The following MTCL1 variants were observed in gnomAD, a reference collection of about 807,000 sequenced individuals.
The protein encoded by MTCL1 is microtubule crosslinking factor 1, also known as microtubule cross-linking factor 1.
A neutral mutation model predicts 141.4 loss-of-function variants in MTCL1; 79 were observed. The ratio of observed to expected loss-of-function variants is 0.56; its 90% CI spans 0.47 to 0.67. The LOEUF is 0.67. Among genes scored for constraint, MTCL1 ranks in the 30% least tolerant of loss-of-function variants. The pLI is 0.00. For synonymous variants in MTCL1, 914 were observed against 875.8 expected (o/e 1.04, Z -0.77); for missense variants, 2,177 against 2,113.9 (o/e 1.03, Z -0.59).
exon 6 of MTCL1, chr18:8,784,730 C>T (rs770877376): frequency 1.9e-6 from 3 of 1,614,206 alleles, no homozygotes; most frequent in East Asian, 2.2e-5. Flanking sequence ...TGGGGATGGC[C>T]TATCCCCCTT....
intron 4 of MTCL1, among the ~76,000 whole-genome samples, chr18:8,772,420 CT>C (rs915143798): frequency 2.7e-5 from 4 of 150,722 alleles, no homozygotes; most frequent in Admixed American, 6.6e-5. Flanking sequence ...TTTTCCTGAC[CT>C]TTTTTTTTCC....
chr18:8,751,787 C>T (rs1004193736), intron 4 of MTCL1, among the ~76,000 whole-genome samples: 5 of 152,134 alleles, frequency 3.3e-5, no homozygotes, highest in Admixed American at 1.3e-4. Flanking sequence ...GAAGACTAGA[C>T]GAGGTTAGAA....
chr18:8,796,173 G>T lies in MTCL1; in HGVS notation c.2011-59G>T. 3 of 1,567,390 alleles carry T rather than the reference G, an allele frequency of 1.9e-6. 1 individual carries two copies. In the South Asian group the frequency reaches 3.4e-5, roughly 18 times the overall value. On this transcript the variant is annotated intron_variant, in intron 8 of 16. Coordinates refer to ENST00000359865, the Ensembl canonical transcript of MTCL1. ...GGCAGTTTGCAGGGACTCTTGGTTTGGTTTGGGTGGCGGATTGGATTAGCT... is the reference window on the plus strand; with the variant it reads ...GGCAGTTTGCAGGGACTCTTGGTTTTGTTTGGGTGGCGGATTGGATTAGCT...
At chr18:8,801,518 AGTT>A (rs1011822204) in intron 10 of MTCL1, 1 of 152,152 alleles carries the variant, frequency 6.6e-6, no homozygotes, top group Non-Finnish European at 1.5e-5. Context: ...TTGTGGTGGC[AGTT>A]GTTCTGTCAC....
rs1018935063 is a variant in MTCL1 at position 8,819,419 on chromosome 18, G to C, written c.3156+160G>C. 6.6e-5 allele frequency among the ~76,000 whole-genome samples: 10 copies of C among 152,240 alleles called. No homozygotes were observed. In the East Asian group the frequency reaches 9.7e-4, roughly 15 times the overall value. On this transcript the variant is annotated intron_variant, in intron 13 of 16. Coordinates refer to ENST00000359865, the Ensembl canonical transcript of MTCL1. Reference sequence around the variant, plus strand: ...AAAATGAAATCTTCACAACACCAAGGGTTTTGCTTCACCCTAAATTAGCAT... The same window carrying C: ...AAAATGAAATCTTCACAACACCAAGCGTTTTGCTTCACCCTAAATTAGCAT...
intron 10 of MTCL1, chr18:8,801,943 A>G (rs2076136656): frequency 6.6e-6 from 1 of 152,194 alleles, no homozygotes; most frequent in South Asian, 2.1e-4. Context: ...TCTAATTCCC[A>G]TGATATTAAT....
chr18:8,826,466 A>G (rs1400925101), intron 15 of MTCL1, among the ~76,000 whole-genome samples: 1 of 131,780 alleles, frequency 7.6e-6, no homozygotes, highest in Admixed American at 8.1e-5. Flanking sequence ...CATATAGTAC[A>G]TGGTTTGATT....
At chr18:8,749,783 T>C (rs949968860) in intron 4 of MTCL1, among the ~76,000 whole-genome samples, 1 of 152,196 alleles carries the variant, frequency 6.6e-6, no homozygotes, top group Non-Finnish European at 1.5e-5. Flanking sequence ...GCCTATTCTT[T>C]CCTTGGCAAC....
chr18:8,826,450 G>A (rs1296533682), intron 15 of MTCL1, among the ~76,000 whole-genome samples: 5 of 151,752 alleles, frequency 3.3e-5, no homozygotes, highest in Non-Finnish European at 7.4e-5. Flanking sequence ...ATTGTCCTTG[G>A]GAAATCATAT....
At chr18:8,706,607 C>T in exon 1 of MTCL1, 2 of 1,532,892 alleles carry the variant, frequency 1.3e-6, no homozygotes, top group South Asian at 1.2e-5. Context: ...CCCGGGACCC[C>T]CAAGGAGCCC....
chr18:8,740,753 G>T lies in MTCL1; in HGVS notation c.357+20257G>T, dbSNP rs148218627. 9.9e-3 allele frequency among the ~76,000 whole-genome samples: 1,513 copies of T among 152,286 alleles called. 66 individuals are homozygous for T. In the East Asian group the frequency reaches 0.1, roughly 10 times the overall value. On this transcript the variant is annotated intron_variant, in intron 4 of 16. Transcript: ENST00000359865. The stretch of plus-strand genomic sequence containing the variant: ...CTGCCTCGGCTTCCCAAAGTGCTGG[G>T]ATTACAGGGGTGAGCCACCGCACCC...
chr18:8,777,876 A>G lies in MTCL1; in HGVS notation c.401A>G (p.Lys134Arg), dbSNP rs764718712. ...AGCACTCGGGAAATGTACAAGGAGA[A>G]GAAAACCTTTAACCAGGTAAGCAGA... Residue 134 changes from lysine to arginine, a missense_variant, in exon 5 of 17, where the codon AAG (lysine) becomes AGG (arginine). Physicochemically the swap from Lys to Arg is conservative, Grantham distance 26. Coordinates refer to ENST00000359865, the Ensembl canonical transcript of MTCL1. 51 of 1,613,900 alleles carry G rather than the reference A, an allele frequency of 3.2e-5. 3 individuals are homozygous for G. The South Asian group carries it at 5.1e-4, about 16-fold the overall frequency.
At position 8,741,938 on chromosome 18, in the gene MTCL1, G is replaced by T. The variant is rs1273120015; in HGVS notation, c.357+21442G>T. On this transcript the variant is annotated intron_variant, in intron 4 of 16. Transcript: ENST00000359865. The stretch of plus-strand genomic sequence containing the variant: ...TTCGCAAGGAAGAGTGGGTCTGAGG[G>T]GAAGCTGCTGGAAAACAGTTGCCTG... Among the ~76,000 whole-genome samples the T allele has an allele frequency of 2.0e-5, 3 of 152,124 alleles. No individual in the cohort carries two copies. In the East Asian group the frequency reaches 5.8e-4, roughly 29 times the overall value.
At chr18:8,716,189 T>C (rs2096127255), upstream of MTCL1, among the ~76,000 whole-genome samples, 2 of 152,358 alleles carry the variant, frequency 1.3e-5, no homozygotes, top group Admixed American at 6.5e-5. Flanking sequence ...GTAGGAGCAC[T>C]TAGGAGCCAA....
chr18:8,826,887 C>T (rs186488516), intron 15 of MTCL1, among the ~76,000 whole-genome samples: 1 of 152,238 alleles, frequency 6.6e-6, no homozygotes, highest in Admixed American at 6.5e-5. Flanking sequence ...AATCAATCCA[C>T]TGTGAATTGG....
At position 8,828,494 on chromosome 18, in the gene MTCL1, G is replaced by A. The variant is rs1353589612; in HGVS notation, c.4723-414G>A. Among the ~76,000 whole-genome samples, 1 of 152,224 alleles carries A rather than the reference G, an allele frequency of 6.6e-6. No homozygotes were observed. The highest frequency in any genetic ancestry group is 1.9e-4 in the East Asian group (1 of 5,198). ...AGTAAGTGGCAGTAGCTTGGCTGTT[G>A]TGACCGAAACAAACGCAGCCGTATA... On this transcript the variant is annotated intron_variant, in intron 15 of 16. Transcript: ENST00000359865. This position sits in a 1 kb window ranked among gnomAD's most constrained non-coding sequence, Gnocchi z 5.2.
intron 12 of MTCL1, among the ~76,000 whole-genome samples, chr18:8,818,018 G>A (rs1464293177): frequency 6.6e-6 from 1 of 152,184 alleles, no homozygotes; most frequent in Non-Finnish European, 1.5e-5. Flanking sequence ...AGTTCCTTGT[G>A]ATTTCATATG....
At chr18:8,731,437 GGT>G (rs1463621550) in intron 4 of MTCL1, among the ~76,000 whole-genome samples, 1 of 151,836 alleles carries the variant, frequency 6.6e-6, no homozygotes, top group East Asian at 2.0e-4. Flanking sequence ...AGCCAGGCAT[GGT>G]GGCAGGCGTC....
rs2077147152 is a variant in MTCL1, at chr18:8,830,024, T to G, written c.*18+1060T>G. ...TGTCAGATAAACCTATGACAGCAGC[T>G]TCACCAACACACAACACACACAGAA... On this transcript the variant is annotated intron_variant, in intron 16 of 16. Coordinates refer to ENST00000359865, the Ensembl canonical transcript of MTCL1. The surrounding 1 kb of genome is among the most constrained non-coding windows in gnomAD (Gnocchi z 6.4). The G allele has an allele frequency of 2.0e-6, 2 of 985,268 alleles. No homozygotes were observed. Among genetic ancestry groups the G allele is most frequent in the Non-Finnish European group, 2.4e-6 (2 of 830,010 alleles). The allele number at this position is 985,268 out of a possible 1,614,324, so 61.0% of individuals were successfully genotyped here. A position where few individuals can be genotyped will look rare whatever the true frequency, so the allele number is the denominator to read the frequency against.
Sources: gnomAD v4.1 joint callset for allele counts (sites outside exome capture counted in the v4.1 genomes callset) on GRCh38, gnomAD v4.1.1 for gene constraint, Gnocchi (gnomAD v3.1) non-coding constraint, MANE v1.5 for transcripts, NCBI Gene and HGNC (gene_info 2026-07-23, HGNC 2026-07-21) for gene names.